The following CSGALNACT1 variants were observed in gnomAD, a reference collection of about 807,000 sequenced individuals.
CSGALNACT1 encodes beta4GalNAcT-1.
Under a neutral mutation model 51.0 loss-of-function variants are expected in CSGALNACT1, and 52 were observed. The observed-to-expected ratio is 1.02, with a 90% CI of 0.82 to 1.29. CSGALNACT1 has a LOEUF of 1.29. CSGALNACT1 is among the 50% of genes most tolerant of loss of function. CSGALNACT1 has a pLI of 0.00. For missense variants in CSGALNACT1, 935 were observed against 679.2 expected, an observed-to-expected ratio of 1.38 and a Z score of -4.19; for synonymous variants, 341 against 254.4, an observed-to-expected ratio of 1.34 and a Z score of -3.24.
At chr8:19,406,186 A>C in intron 9 of CSGALNACT1, 117 bp from the exon 9 acceptor site, 6 of 1,169,194 alleles carry the variant, frequency 5.1e-6, no homozygotes, top group East Asian at 2.3e-5. Flanking sequence ...GTGCTTCACC[A>C]CCACCCCTCC....
intron 1 of CSGALNACT1, among the ~76,000 whole-genome samples, chr8:19,637,058 G>A (rs1430602758): frequency 6.6e-6 from 1 of 151,914 alleles, no homozygotes; most frequent in African/African-American, 2.4e-5. Flanking sequence ...CAATTAGCCA[G>A]ACATGGTGGT....
At chr8:19,735,389 A>G (rs184057926) in intron 1 of CSGALNACT1, among the ~76,000 whole-genome samples, 1 of 152,182 alleles carries the variant, frequency 6.6e-6, no homozygotes, top group Admixed American at 6.5e-5. Flanking sequence ...GAACAAATAC[A>G]CTTTAAATAT....
chr8:19,567,477 T>G (rs1201068061), intron 3 of CSGALNACT1, among the ~76,000 whole-genome samples: 4 of 152,202 alleles, frequency 2.6e-5, no homozygotes, highest in Non-Finnish European at 5.9e-5. Context: ...AGAAGGCTAC[T>G]TCCTTAATCT....
At chr8:19,589,297 A>C (rs566356336) in intron 3 of CSGALNACT1, among the ~76,000 whole-genome samples, 1 of 152,286 alleles carries the variant, frequency 6.6e-6, no homozygotes, top group African/African-American at 2.4e-5. Context: ...TAATTTTTCA[A>C]CATGTCCCCC....
chr8:19,524,309 A>G (rs552678001), intron 3 of CSGALNACT1, among the ~76,000 whole-genome samples: 11 of 152,244 alleles, frequency 7.2e-5, no homozygotes, highest in African/African-American at 2.4e-4. Context: ...CCACAGATCT[A>G]ATTAAGATTT....
intron 1 of CSGALNACT1, among the ~76,000 whole-genome samples, chr8:19,631,021 A>G (rs567702943): frequency 7.9e-5 from 12 of 152,202 alleles, no homozygotes; most frequent in Non-Finnish European, 1.5e-4. Flanking sequence ...TGACAATTGT[A>G]TAATGATATG....
intron 1 of CSGALNACT1, among the ~76,000 whole-genome samples, chr8:19,644,055 G>T (rs2057008322): frequency 6.6e-6 from 1 of 152,052 alleles, no homozygotes; most frequent in Non-Finnish European, 1.5e-5. Context: ...ATTGGAGAAT[G>T]CTAAGTTATG....
chr8:19,710,117 C>G (rs567848494), intron 1 of CSGALNACT1, among the ~76,000 whole-genome samples: 2 of 152,096 alleles, frequency 1.3e-5, no homozygotes, highest in African/African-American at 4.8e-5. Context: ...CAGTTTCATC[C>G]GTATCCCTGG....
rs147014509 is a variant in CSGALNACT1 at position 19,610,228 on chromosome 8, T to G, written c.-543-8363A>C. 9.5e-3 allele frequency among the ~76,000 whole-genome samples: 1,359 copies of G among 143,092 alleles called. 22 individuals carry two copies. The highest frequency in any genetic ancestry group is 0.034 in the African/African-American group (1,273 of 37,284). 93.9% of individuals were successfully genotyped at this position (143,092 alleles called of 152,430 possible). A position where few individuals can be genotyped will look rare whatever the true frequency, so the allele number is the denominator to read the frequency against. On this transcript the variant is annotated intron_variant, in intron 1 of 9. Coordinates refer to the CSGALNACT1 transcript ENST00000332246. The stretch of plus-strand genomic sequence containing the variant: ...TTGCTTGAACCAAGGAGGCGGAGGT[T>G]CCAGTGAGCCAAAATTGTGCCACTG...
chr8:19,504,386 T>C (rs1319339002), intron 4 of CSGALNACT1, among the ~76,000 whole-genome samples: 1 of 152,250 alleles, frequency 6.6e-6, no homozygotes, highest in African/African-American at 2.4e-5. Flanking sequence ...AGATGAATTA[T>C]ATTCTTTTCA....
intron 1 of CSGALNACT1, among the ~76,000 whole-genome samples, chr8:19,726,062 C>G (rs1422198140): frequency 6.6e-6 from 1 of 152,132 alleles, no homozygotes; most frequent in African/African-American, 2.4e-5. Context: ...TTTGCAAAGT[C>G]TCTGTGGCCA....
intron 3 of CSGALNACT1, among the ~76,000 whole-genome samples, chr8:19,536,298 G>A (rs1220986406): frequency 8.6e-5 from 13 of 151,640 alleles, no homozygotes; most frequent in Admixed American, 8.6e-4. Flanking sequence ...GAAAATCTTT[G>A]TACCTTCTTC....
intron 5 of CSGALNACT1, among the ~76,000 whole-genome samples, chr8:19,442,890 T>C (rs7823195): frequency 1.8e-4 from 28 of 152,112 alleles, no homozygotes; most frequent in Non-Finnish European, 3.5e-4. Flanking sequence ...CTAGAGTGCC[T>C]TGGAAGCACC....
chr8:19,593,930 G>C (rs2154136125), intron 2 of CSGALNACT1, among the ~76,000 whole-genome samples: 1 of 152,242 alleles, frequency 6.6e-6, no homozygotes, highest in East Asian at 1.9e-4. Context: ...TCTCCCTCTA[G>C]GCTGCTTCAG....
chr8:19,500,568 T>C (rs527500487), intron 4 of CSGALNACT1, among the ~76,000 whole-genome samples: 5 of 152,174 alleles, frequency 3.3e-5, no homozygotes, highest in Non-Finnish European at 5.9e-5. Flanking sequence ...ATTTGACTCA[T>C]CCAGAGAAGC....
At chr8:19,656,720 G>C (rs573787893) in intron 1 of CSGALNACT1, among the ~76,000 whole-genome samples, 6 of 151,518 alleles carry the variant, frequency 4.0e-5, no homozygotes, top group African/African-American at 1.5e-4. Context: ...TATGAAATAA[G>C]AAACTATTAA....
At chr8:19,672,080 A>G (rs2059836610) in intron 1 of CSGALNACT1, among the ~76,000 whole-genome samples, 1 of 152,196 alleles carries the variant, frequency 6.6e-6, no homozygotes, top group Admixed American at 6.5e-5. Context: ...AAGGCTCATG[A>G]TATACTTGAG....
chr8:19,446,262 G>A (rs956129265), intron 5 of CSGALNACT1, among the ~76,000 whole-genome samples: 1 of 152,182 alleles, frequency 6.6e-6, no homozygotes, highest in Admixed American at 6.5e-5. Context: ...GCTTTGCACG[G>A]TTATTCATAC....
At chr8:19,575,669 T>C (rs2044033471) in intron 3 of CSGALNACT1, among the ~76,000 whole-genome samples, 1 of 152,196 alleles carries the variant, frequency 6.6e-6, no homozygotes, top group Middle Eastern at 3.2e-3. Context: ...GAAGTAGTAA[T>C]AGTATAATGG....
Sources: gnomAD v4.1 joint callset for allele counts (sites outside exome capture counted in the v4.1 genomes callset) on GRCh38, gnomAD v4.1.1 for gene constraint, MANE v1.5 for transcripts, NCBI Gene and HGNC (gene_info 2026-07-23, HGNC 2026-07-21) for gene names.